Variants in GRM5 observed in about 807,000 individuals in gnomAD.
GRM5 encodes glutamate metabotropic receptor 5.
A neutral mutation model predicts 83.1 loss-of-function variants in GRM5; 19 were observed. That is an observed-to-expected ratio of 0.23 (90% CI 0.16 to 0.34). The LOEUF is 0.34. Among genes scored for constraint, GRM5 ranks in the 10% least tolerant of loss-of-function variants. The probability of loss-of-function intolerance (pLI) is 1.00; values close to 1 mark genes in which losing one functional copy is unlikely to be tolerated. For missense variants in GRM5, 1,160 were observed against 1,588.3 expected, an observed-to-expected ratio of 0.73 and a Z score of 4.58; for synonymous variants, 675 against 633.6, an observed-to-expected ratio of 1.07 and a Z score of -0.98.
chr11:88,947,435 C>T (rs1938315724), intron 2 of GRM5, among the ~76,000 whole-genome samples: 1 of 152,120 alleles, frequency 6.6e-6, no homozygotes, highest in African/African-American at 2.4e-5. Flanking sequence ...CACCCACAAG[C>T]TTCACCTCCT....
intron 2 of GRM5, among the ~76,000 whole-genome samples, chr11:88,851,068 C>T (rs1259257080): frequency 2.0e-5 from 3 of 152,054 alleles, no homozygotes; most frequent in African/African-American, 2.4e-5. Flanking sequence ...GAGGGCTGAA[C>T]TCATTCACAG....
intron 9 of GRM5, among the ~76,000 whole-genome samples, chr11:88,511,262 G>A (rs2135078307): frequency 6.6e-6 from 1 of 152,280 alleles, no homozygotes; most frequent in East Asian, 1.9e-4. Flanking sequence ...TGGAGGGCTG[G>A]CTTGCCTTTG....
chr11:88,929,002 A>G (rs1433000318), intron 2 of GRM5, among the ~76,000 whole-genome samples: 1 of 151,842 alleles, frequency 6.6e-6, no homozygotes, highest in Non-Finnish European at 1.5e-5. Flanking sequence ...AGTTTTAGAC[A>G]ATTTTAAGTT....
Position 88,708,756 on chromosome 11 carries a change from A to G in GRM5, c.912-55353T>C, listed in dbSNP as rs575991400. 2.0e-5 allele frequency among the ~76,000 whole-genome samples: 3 copies of G among 152,242 alleles called. No individual in the cohort carries two copies. In the South Asian group the frequency reaches 6.2e-4, roughly 32 times the overall value. The stretch of plus-strand genomic sequence containing the variant: ...ATCCAGCTCCCAAGATTTTAGGAGT[A>G]GTAAAGACTTGCTTTCCTAATTCTA... On this transcript the variant is annotated intron_variant, in intron 3 of 9. Coordinates refer to ENST00000305447, the MANE Select transcript of GRM5 (RefSeq NM_001143831.3).
At chr11:88,950,310 A>G (rs665956) in intron 2 of GRM5, among the ~76,000 whole-genome samples, 131,326 of 151,558 alleles carry the variant, frequency 0.87, 58,838 homozygotes, top group Non-Finnish European at 0.97. Context: ...GTAAATGAAA[A>G]TATTTCTAAA....
At chr11:88,560,445 T>C (rs1295029524) in intron 8 of GRM5, among the ~76,000 whole-genome samples, 1 of 152,200 alleles carries the variant, frequency 6.6e-6, no homozygotes, top group African/African-American at 2.4e-5. Flanking sequence ...GTTTTTTATC[T>C]ATCTCTGTAT....
intron 4 of GRM5, among the ~76,000 whole-genome samples, chr11:88,623,606 C>A (rs1050011242): frequency 6.6e-6 from 1 of 152,108 alleles, no homozygotes; most frequent in Non-Finnish European, 1.5e-5. Flanking sequence ...CTCCTGTATT[C>A]CTTTTACTTG....
chr11:88,764,818 T>G (rs1003753687), intron 3 of GRM5, among the ~76,000 whole-genome samples: 3 of 151,128 alleles, frequency 2.0e-5, no homozygotes, highest in African/African-American at 7.3e-5. Flanking sequence ...AACCCAAAGA[T>G]AGAAGAAGGA....
intron 2 of GRM5, among the ~76,000 whole-genome samples, chr11:88,997,804 A>T (rs1443957457): frequency 6.6e-6 from 1 of 152,178 alleles, no homozygotes; most frequent in African/African-American, 2.4e-5. Context: ...AATAACATTG[A>T]CTTTATAATG....
intron 9 of GRM5, among the ~76,000 whole-genome samples, chr11:88,521,214 G>A (rs111668248): frequency 0.028 from 4,289 of 152,112 alleles, 204 homozygotes; most frequent in African/African-American, 0.097. Flanking sequence ...TCAAGAGTTC[G>A]AGACTAGCCT....
chr11:88,562,421 G>C (rs1942778311), intron 8 of GRM5, among the ~76,000 whole-genome samples: 1 of 152,008 alleles, frequency 6.6e-6, no homozygotes, highest in South Asian at 2.1e-4. Context: ...CACCGTGCAG[G>C]ACCTCAAATT....
At chr11:88,983,425 C>T (rs951067505) in intron 2 of GRM5, among the ~76,000 whole-genome samples, 1 of 152,066 alleles carries the variant, frequency 6.6e-6, no homozygotes, top group Non-Finnish European at 1.5e-5. Context: ...AAAGGTGATC[C>T]CATAAGATTA....
intron 2 of GRM5, among the ~76,000 whole-genome samples, chr11:88,879,278 G>C (rs1944910779): frequency 6.6e-6 from 1 of 151,966 alleles, no homozygotes. Context: ...CTGGGAGGAA[G>C]TATCTGGTAA....
At chr11:89,060,432 C>G (rs1941968434) in intron 1 of GRM5, among the ~76,000 whole-genome samples, 1 of 152,036 alleles carries the variant, frequency 6.6e-6, no homozygotes, top group Non-Finnish European at 1.5e-5. Context: ...ACAGTGAACA[C>G]TGCATAAACT....
At chr11:88,585,653 A>C (rs1325695914) in intron 7 of GRM5, among the ~76,000 whole-genome samples, 2 of 152,262 alleles carry the variant, frequency 1.3e-5, no homozygotes, top group South Asian at 2.1e-4. Flanking sequence ...AATTCATTGA[A>C]GAGGCAATTT....
At chr11:88,705,327 TC>T (rs34275768) in intron 3 of GRM5, among the ~76,000 whole-genome samples, 9 of 152,114 alleles carry the variant, frequency 5.9e-5, no homozygotes, top group Admixed American at 3.9e-4. Context: ...TTGAAAAATC[TC>T]CCCAAGAGAT....
At chr11:88,623,835 C>A (rs1938711242) in intron 4 of GRM5, among the ~76,000 whole-genome samples, 1 of 152,070 alleles carries the variant, frequency 6.6e-6, no homozygotes, top group Non-Finnish European at 1.5e-5. Context: ...CAAACTTGGT[C>A]TTCTAGCTAC....
intron 3 of GRM5, among the ~76,000 whole-genome samples, chr11:88,686,677 G>A (rs1473405406): frequency 1.3e-5 from 2 of 152,104 alleles, no homozygotes; most frequent in Non-Finnish European, 2.9e-5. Context: ...CTGTCCTTAC[G>A]GTAGTGAATA....
chr11:88,979,659 C>T (rs566279486), intron 2 of GRM5, among the ~76,000 whole-genome samples: 3 of 152,194 alleles, frequency 2.0e-5, no homozygotes, highest in South Asian at 2.1e-4. Context: ...TTTGCCTCAT[C>T]TGTTTAATAT....
Sources: allele counts gnomAD v4.1 joint callset (sites outside exome capture counted in the v4.1 genomes callset), GRCh38; gene constraint gnomAD v4.1.1; transcripts MANE v1.5; gene names NCBI Gene and HGNC (gene_info 2026-07-23, HGNC 2026-07-21).